GORASP2: variants seen among roughly 807,000 people sequenced by gnomAD.
GORASP2 encodes golgi reassembly stacking protein 2, also known as Golgi reassembly-stacking protein 2.
Under a neutral mutation model 45.7 loss-of-function variants are expected in GORASP2, and 22 were observed. The ratio of observed to expected loss-of-function variants is 0.48; its 90% CI spans 0.34 to 0.69. The LOEUF is 0.69. Among genes scored for constraint, GORASP2 ranks in the 30% least tolerant of loss-of-function variants. The pLI is 0.01. For synonymous variants in GORASP2, 221 were observed against 215.6 expected (o/e 1.02, Z -0.22); for missense variants, 491 against 562.7 (o/e 0.87, Z 1.29).
chr2:170,952,564 A>T (rs375920222), intron 5 of GORASP2, among the ~76,000 whole-genome samples: 26 of 152,310 alleles, frequency 1.7e-4, no homozygotes, highest in African/African-American at 5.8e-4. Context: ...GTCTATTACC[A>T]CTTAATTACT....
intron 9 of GORASP2, among the ~76,000 whole-genome samples, chr2:170,965,514 CCTAT>C (rs988850351): frequency 2.0e-5 from 3 of 152,146 alleles, no homozygotes; most frequent in African/African-American, 4.8e-5. Flanking sequence ...CTGGAAGGAT[CCTAT>C]CTATCTTTCT....
intron 9 of GORASP2, among the ~76,000 whole-genome samples, chr2:170,965,544 C>T (rs1704664104): frequency 6.6e-6 from 1 of 152,108 alleles, no homozygotes; most frequent in Non-Finnish European, 1.5e-5. Context: ...GAGCCAGTTT[C>T]CCCCAGTGCT....
At chr2:170,939,924 A>C (rs773451386) in intron 1 of GORASP2, among the ~76,000 whole-genome samples, 8 of 152,186 alleles carry the variant, frequency 5.3e-5, no homozygotes, top group Non-Finnish European at 1.2e-4. Context: ...GTCATCATTT[A>C]GGTATTGCTT....
In GORASP2 at chr2:170,938,172, A is replaced by C. The variant is rs193264816; in HGVS notation, c.63+8769A>C. Reference sequence around the variant, plus strand: ...TTAAATGAGATATTCCATGTAAAGCACTTAACTTAGAATGTGGAATATAAT... The same window carrying C: ...TTAAATGAGATATTCCATGTAAAGCCCTTAACTTAGAATGTGGAATATAAT... On this transcript the variant is annotated intron_variant, in intron 1 of 9. Transcript: ENST00000234160. Among the ~76,000 whole-genome samples, 634 of 152,382 alleles carry C rather than the reference A, an allele frequency of 4.2e-3. 3 individuals carry two copies. Among genetic ancestry groups the C allele is most frequent in the African/African-American group, 0.014 (588 of 41,590 alleles).
At chr2:170,954,581 C>CCAA in intron 5 of GORASP2, 69 bp from the exon 6 acceptor site, 1 of 1,362,536 alleles carries the variant, frequency 7.3e-7, no homozygotes, top group Non-Finnish European at 1.0e-6. Context: ...CCGCCCCCCC[C>CCAA]AAAAAAAACA....
At chr2:170,964,062 G>A (rs1021783182) in intron 9 of GORASP2, among the ~76,000 whole-genome samples, 12 of 152,310 alleles carry the variant, frequency 7.9e-5, no homozygotes, top group African/African-American at 1.4e-4. Context: ...AGATGTCTAC[G>A]GTAGCAGATA....
intron 1 of GORASP2, among the ~76,000 whole-genome samples, chr2:170,942,921 G>A (rs1704110764): frequency 6.6e-6 from 1 of 152,114 alleles, no homozygotes; most frequent in Non-Finnish European, 1.5e-5. Flanking sequence ...ATAGTATCTT[G>A]CGGTTTTATT....
chr2:170,939,965 C>T (rs187191590), intron 1 of GORASP2, among the ~76,000 whole-genome samples: 3 of 151,268 alleles, frequency 2.0e-5, no homozygotes, highest in African/African-American at 7.3e-5. Context: ...TCTTGTTTAA[C>T]ATCTCCACTG....
chr2:170,950,083 A>G, intron 3 of GORASP2, 121 bp from the exon 4 acceptor site: 2 of 585,622 alleles, frequency 3.4e-6, no homozygotes, highest in South Asian at 4.8e-5. Flanking sequence ...CATCTGACAC[A>G]TCTCTAGCAA....
chr2:170,949,491 A>C (rs1559311706), intron 2 of GORASP2, 48 bp from the exon 3 acceptor site: 1 of 1,385,356 alleles, frequency 7.2e-7, no homozygotes, highest in South Asian at 1.2e-5. Context: ...GCTTAAGCTA[A>C]CATTAAATTT....
intron 9 of GORASP2, among the ~76,000 whole-genome samples, chr2:170,964,891 A>ATTTT (rs1257940501): frequency 1.2e-5 from 1 of 84,556 alleles, no homozygotes; most frequent in African/African-American, 4.0e-5. Context: ...TATGCATTTT[A>ATTTT]ATTTTTTTTT....
chr2:170,949,032 C>T (rs971541881), intron 2 of GORASP2, among the ~76,000 whole-genome samples: 1 of 152,126 alleles, frequency 6.6e-6, no homozygotes, highest in African/African-American at 2.4e-5. Context: ...TTACTTACAA[C>T]ATCTCTGACA....
At chr2:170,955,289 G>A (rs1231690673) in intron 6 of GORASP2, among the ~76,000 whole-genome samples, 1 of 152,190 alleles carries the variant, frequency 6.6e-6, no homozygotes, top group Non-Finnish European at 1.5e-5. Context: ...CAGGTCAGCA[G>A]AGTGAATAGG....
intron 6 of GORASP2, among the ~76,000 whole-genome samples, chr2:170,955,475 AG>A: frequency 6.6e-6 from 1 of 152,356 alleles, no homozygotes; most frequent in Non-Finnish European, 1.5e-5. Context: ...ATGTTTCTTA[AG>A]GAGGTATCTC....
At chr2:170,956,944 T>A (rs980445292) in intron 7 of GORASP2, among the ~76,000 whole-genome samples, 2 of 152,112 alleles carry the variant, frequency 1.3e-5, no homozygotes, top group African/African-American at 2.4e-5. Flanking sequence ...AAAAAATTTT[T>A]AAAAAAGAAT....
chr2:170,936,151 TATTG>T (rs1703946812), intron 1 of GORASP2, among the ~76,000 whole-genome samples: 1 of 152,134 alleles, frequency 6.6e-6, no homozygotes, highest in African/African-American at 2.4e-5. Flanking sequence ...GGATTATATA[TATTG>T]ATTGATTCAC....
chr2:170,945,709 T>G (rs1400120158), intron 1 of GORASP2, among the ~76,000 whole-genome samples: 1 of 152,200 alleles, frequency 6.6e-6, no homozygotes, highest in Non-Finnish European at 1.5e-5. Flanking sequence ...ATATCAAGTT[T>G]TACTTCTTCT....
intron 1 of GORASP2, among the ~76,000 whole-genome samples, chr2:170,947,609 T>G (rs1300916060): frequency 6.6e-6 from 1 of 152,208 alleles, no homozygotes; most frequent in Admixed American, 6.5e-5. Context: ...CTCAACAGAT[T>G]ATAAATGTCT....
At chr2:170,930,018 CCTT>C (rs1368191975) in intron 1 of GORASP2, 4 of 300,146 alleles carry the variant, frequency 1.3e-5, no homozygotes, top group East Asian at 1.4e-4. Context: ...CCCTCCCAAA[CCTT>C]CTCAAGATTT....
Sources: allele counts gnomAD v4.1 joint callset (sites outside exome capture counted in the v4.1 genomes callset), GRCh38; gene constraint gnomAD v4.1.1; transcripts MANE v1.5; gene names NCBI Gene and HGNC (gene_info 2026-07-23, HGNC 2026-07-21).